Variants in STK11IP observed in about 807,000 individuals in gnomAD.
STK11IP encodes the protein serine/threonine-protein kinase 11-interacting protein.
A neutral mutation model predicts 131.7 loss-of-function variants in STK11IP; 103 were observed. That is an observed-to-expected ratio of 0.78 (90% CI 0.67 to 0.92). The LOEUF is 0.92. Ranked by LOEUF, STK11IP falls within the 40% of genes least tolerant of loss-of-function variation. The pLI, the probability that STK11IP is intolerant of heterozygous loss-of-function variation, is 0.00. For missense variants in STK11IP, 1,315 were observed against 1,385.7 expected, an observed-to-expected ratio of 0.95 and a Z score of 0.81; for synonymous variants, 557 against 575.6, an observed-to-expected ratio of 0.97 and a Z score of 0.46.
rs541443705 is a variant in STK11IP, at chr2:219,605,481, C to A, written c.619-127C>A. 506 of 866,556 alleles carry A rather than the reference C, an allele frequency of 5.8e-4. 3 individuals are homozygous for A. In the African/African-American group the frequency reaches 7.4e-3, roughly 13 times the overall value. 53.7% of individuals were successfully genotyped at this position (866,556 alleles called of 1,614,324 possible). A position where few individuals can be genotyped will look rare whatever the true frequency, so the allele number is the denominator to read the frequency against. On this transcript the variant is annotated intron_variant, in intron 7 of 24. Transcript: ENST00000456909. ...ACGTGGGAGTAGGGGTGGATGAAAT[C>A]ATTTGTGCTGAGTGTGTGCAGTTTT...
rs1162942987 is a variant in STK11IP, at chr2:219,598,160, C to G, written c.41C>G (p.Ala14Gly). 5 of 1,572,524 alleles carry G rather than the reference C, an allele frequency of 3.2e-6. No individual in the cohort carries two copies. Among genetic ancestry groups the G allele is most frequent in the Admixed American group, 1.8e-5 (1 of 54,392 alleles). The change falls in exon 2 of 25, where the codon GCG becomes GGG. Residue 14 changes from alanine (A) to glycine (G), a missense_variant. By Grantham distance (60) the Ala-to-Gly change is moderately conservative (BLOSUM62 0). Coordinates refer to ENST00000456909, the MANE Select transcript of STK11IP (RefSeq NM_052902.4). ...AQRDSLLWKL[A>G]GLLRESGDVV... is the part of the protein sequence containing the mutation. ...AGGGACTCCCTGTTGTGGAAGCTCGCGGGGTTGCTGCGGGAGTCCGGTGAG... is the reference window on the plus strand; with the variant it reads ...AGGGACTCCCTGTTGTGGAAGCTCGGGGGGTTGCTGCGGGAGTCCGGTGAG...
At position 219,613,178 on chromosome 2, in the gene STK11IP, T is replaced by G. The variant is rs377498735; in HGVS notation, c.2490T>G (p.Val830=). 2 of 1,608,136 alleles carry G rather than the reference T, an allele frequency of 1.2e-6. No individual in the cohort carries two copies. Among genetic ancestry groups the G allele is most frequent in the Non-Finnish European group, 1.7e-6 (2 of 1,177,352 alleles). Residue 830 remains valine (V), a synonymous_variant, in exon 20 of 25, where the codon GTT becomes GTG. Transcript: ENST00000456909. The stretch of plus-strand genomic sequence containing the variant: ...CTGGGGAGTTCATGTGCCTTGTGGT[T>G]GTGTCTGACCGCAGGCTGTACCTGT... ...GHTGEFMCLV[V]VSDRRLYLLK...
chr2:219,601,238 A>T lies in STK11IP; in HGVS notation c.65A>T (p.Asp22Val), dbSNP rs779047512. Reference protein sequence around the residue: ...KLAGLLRESGDVVLSGCSTLS... With the variant: ...KLAGLLRESGVVVLSGCSTLS... The stretch of plus-strand genomic sequence containing the variant: ...CTGTTTGCCCCTTTTTCTGCAGGGG[A>T]TGTGGTCCTGTCTGGCTGTAGCACC... Residue 22 changes from aspartate (D) to valine (V), a missense_variant, in exon 3 of 25, where the codon GAT (aspartate) becomes GTT (valine). Coordinates refer to ENST00000456909, the MANE Select transcript of STK11IP (RefSeq NM_052902.4). 2 of 1,610,318 alleles carry T rather than the reference A, an allele frequency of 1.2e-6. No homozygotes were observed. Among genetic ancestry groups the T allele is most frequent in the East Asian group, 2.2e-5 (1 of 44,788 alleles).
At chr2:219,613,725 C>T (rs1178854325) in intron 20 of STK11IP, 27 bp from the exon 21 acceptor site, 1 of 1,612,090 alleles carries the variant, frequency 6.2e-7, no homozygotes, top group South Asian at 1.1e-5. Context: ...TCATGCTTCT[C>T]CATTGCTCTG....
rs1173893763 is a variant in STK11IP at position 219,601,224 on chromosome 2, T to C, written c.62-11T>C. The C allele has an allele frequency of 1.2e-6, 2 of 1,602,468 alleles. No individual in the cohort carries two copies. The highest frequency in any genetic ancestry group is 4.5e-5 in the East Asian group (2 of 44,658). On this transcript the variant is annotated splice_polypyrimidine_tract_variant and intron_variant, in intron 2 of 24. Transcript: ENST00000456909. ...CTGTGTCTTCCCTCCTGTTTGCCCC[T>C]TTTTCTGCAGGGGATGTGGTCCTGT... is the stretch of plus-strand genomic sequence containing the variant.
intron 2 of STK11IP, 156 bp downstream of exon 2, chr2:219,598,336 T>C: frequency 1.7e-6 from 1 of 579,670 alleles, no homozygotes. Context: ...TGTTCGCCCT[T>C]ACAGTGTCCT....
intron 5 of STK11IP, 93 bp from the exon 6 acceptor site, chr2:219,602,375 A>G (rs1698015785): frequency 3.0e-6 from 3 of 987,582 alleles, no homozygotes; most frequent in Admixed American, 4.3e-5. Context: ...TTCAGTGTAT[A>G]AAAAATGAAT....
Position 219,606,490 on chromosome 2 carries a change from C to T in STK11IP, c.960C>T (p.Gly320=). The change falls in exon 11 of 25, where the codon GGC becomes GGT. Residue 320 remains glycine (G), a synonymous_variant. Coordinates refer to ENST00000456909, the MANE Select transcript of STK11IP (RefSeq NM_052902.4). The stretch of plus-strand genomic sequence containing the variant: ...TCTTTGCTCAGTTCCTTCTCGATGG[C>T]AAGGTCTTGTCACTGACAGATTTTC... The part of the protein sequence containing the change: ...RDAATGFLLD[G]KVLSLTDFQT... The T allele has an allele frequency of 6.2e-7, 1 of 1,612,490 alleles. No homozygotes were observed. The highest frequency in any genetic ancestry group is 8.5e-7 in the Non-Finnish European group (1 of 1,179,216).
intron 14 of STK11IP, 60 bp downstream of exon 14, chr2:219,608,490 G>GGT: frequency 6.5e-7 from 1 of 1,533,404 alleles, no homozygotes; most frequent in South Asian, 1.3e-5. Context: ...GTTTGTGAGT[G>GGT]GTGGGGCCTG....
chr2:219,608,023 G>A, intron 13 of STK11IP, 24 bp from the exon 14 acceptor site: 3 of 1,601,880 alleles, frequency 1.9e-6, no homozygotes, highest in Non-Finnish European at 2.6e-6. Flanking sequence ...GGCTTGCTCA[G>A]TTCTGGGTTC....
In STK11IP at chr2:219,615,245, T is replaced by G. The variant is rs1170168664; in HGVS notation, c.3021T>G (p.Ala1007=). 6.3e-7 allele frequency: 1 copy of G among 1,596,920 alleles called. No homozygotes were observed. The highest frequency in any genetic ancestry group is 8.5e-7 in the Non-Finnish European group (1 of 1,176,818). The change falls in exon 24 of 25, where the codon GCT becomes GCG. Residue 1007 remains alanine (A), a synonymous_variant. Transcript: ENST00000456909. ...TGCCTCCCTCGGGGCCGGGCCCTGC[T>G]GTGCGTGTCAGGGAGCAGCAGCCAC... ...EKVPPSGPGP[A]VRVREQQPLS...
chr2:219,612,206 G>A lies in STK11IP; in HGVS notation c.2439+148G>A. 4.3e-6 allele frequency: 3 copies of A among 704,182 alleles called. No individual in the cohort carries two copies. In the South Asian group the frequency reaches 5.4e-5, roughly 13 times the overall value. 43.6% of individuals were successfully genotyped at this position (704,182 alleles called of 1,614,324 possible). A position where few individuals can be genotyped will look rare whatever the true frequency, so the allele number is the denominator to read the frequency against. ...AGCAGCTTCTTGCTGTGTGGCCGTGGACACATTCCCTGGTATTTGAGTCCC... is the reference window on the plus strand; with the variant it reads ...AGCAGCTTCTTGCTGTGTGGCCGTGAACACATTCCCTGGTATTTGAGTCCC... On this transcript the variant is annotated intron_variant, in intron 19 of 24. Coordinates refer to ENST00000456909, the MANE Select transcript of STK11IP (RefSeq NM_052902.4).
chr2:219,604,953 C>G (rs1698101836), intron 7 of STK11IP, among the ~76,000 whole-genome samples: 1 of 152,178 alleles, frequency 6.6e-6, no homozygotes, highest in South Asian at 2.1e-4. Context: ...CCTCAGCCTC[C>G]CAAGTAGCTG....
chr2:219,601,277 C>T lies in STK11IP; in HGVS notation c.104C>T (p.Thr35Ile). The change falls in exon 3 of 25, where the codon ACT becomes ATT. Residue 35 changes from threonine to isoleucine, a missense_variant. Coordinates refer to ENST00000456909, the MANE Select transcript of STK11IP (RefSeq NM_052902.4). ...LSGCSTLSLL[T>I]PTLQQLNHVF... is the part of the protein sequence containing the mutation. The stretch of plus-strand genomic sequence containing the variant: ...GGCTGTAGCACCCTGAGCCTGCTGA[C>T]TCCCACACTGCAACAGCTGAACCAC... 6.2e-7 allele frequency: 1 copy of T among 1,614,058 alleles called. No homozygotes were observed. Among genetic ancestry groups the T allele is most frequent in the Non-Finnish European group, 8.5e-7 (1 of 1,179,900 alleles).
chr2:219,602,397 T>C, intron 5 of STK11IP, 71 bp from the exon 6 acceptor site: 1 of 1,117,626 alleles, frequency 8.9e-7, no homozygotes. Context: ...AGTGACTGGG[T>C]GGTAGAGCTT....
chr2:219,603,606 A>T (rs12472386), intron 7 of STK11IP, among the ~76,000 whole-genome samples: 1 of 151,242 alleles, frequency 6.6e-6, no homozygotes, highest in African/African-American at 2.4e-5. Context: ...CTGCAAACTC[A>T]ACCTCCTGGG....
In STK11IP at chr2:219,602,788, C is replaced by T. The variant is rs1306595758; in HGVS notation, c.618+12C>T. 1.2e-6 allele frequency: 2 copies of T among 1,607,998 alleles called. No individual in the cohort carries two copies. Among genetic ancestry groups the T allele is most frequent in the Non-Finnish European group, 1.7e-6 (2 of 1,176,718 alleles). ...AGGGATTCCTGATGGTGAGTATGGG[C>T]AGTTTGGCAGCTGGCACACCATGGG... On this transcript the variant is annotated intron_variant, in intron 7 of 24. Transcript: ENST00000456909.
Position 219,608,741 on chromosome 2 carries a change from G to T in STK11IP, c.1762G>T (p.Ala588Ser). Residue 588 changes from alanine to serine, a missense_variant, in exon 15 of 25, where the codon GCT (alanine) becomes TCT (serine). Coordinates refer to ENST00000456909, the MANE Select transcript of STK11IP (RefSeq NM_052902.4). ...ERLELQSLEA[A>S]EIEPEAQAQR... ...ACTGGAGCTCCAGAGTCTGGAGGCA[G>T]CTGAGATAGAGCCGGAGGCCCAGGC... is the stretch of plus-strand genomic sequence containing the variant. 1.2e-6 allele frequency: 2 copies of T among 1,612,234 alleles called. No individual in the cohort carries two copies. The highest frequency in any genetic ancestry group is 1.7e-6 in the Non-Finnish European group (2 of 1,179,396).
rs1261572768 is a variant in STK11IP at position 219,606,500 on chromosome 2, T to C, written c.970T>C (p.Ser324Pro). The change falls in exon 11 of 25, where the codon TCA becomes CCA. Residue 324 changes from serine to proline, a missense_variant. Transcript: ENST00000456909. ...TGFLLDGKVL[S>P]LTDFQTHTSL... ...GTTCCTTCTCGATGGCAAGGTCTTG[T>C]CACTGACAGATTTTCAGGTCGGTGT... 1 of 1,612,684 alleles carries C rather than the reference T, an allele frequency of 6.2e-7. No homozygotes were observed. The highest frequency in any genetic ancestry group is 1.3e-5 in the African/African-American group (1 of 74,898).
Sources: allele counts gnomAD v4.1 joint callset (sites outside exome capture counted in the v4.1 genomes callset), GRCh38; gene constraint gnomAD v4.1.1; transcripts MANE v1.5; gene names NCBI Gene and HGNC (gene_info 2026-07-23, HGNC 2026-07-21).